Variants in FBXW11 observed in about 807,000 individuals in gnomAD.
FBXW11 encodes F-box/WD repeat-containing protein 11.
FBXW11 carries 19 observed loss-of-function variants against 77.6 expected under a neutral mutation model. The observed-to-expected ratio is 0.24, with a 90% CI of 0.17 to 0.36. The LOEUF (loss-of-function observed/expected upper bound fraction) is 0.36. Among genes scored for constraint, FBXW11 ranks in the 10% least tolerant of loss-of-function variants. The pLI, the probability that FBXW11 is intolerant of heterozygous loss-of-function variation, is 1.00. For missense variants in FBXW11, 334 were observed against 704.2 expected (o/e 0.47, Z 5.95); for synonymous variants, 235 against 249.4 (o/e 0.94, Z 0.54).
intron 1 of FBXW11, among the ~76,000 whole-genome samples, chr5:171,958,753 A>T (rs1447122627): frequency 6.6e-6 from 1 of 152,200 alleles, no homozygotes; most frequent in Non-Finnish European, 1.5e-5. Flanking sequence ...ATATAAAGTC[A>T]ATTAATTTAC....
intron 1 of FBXW11, among the ~76,000 whole-genome samples, chr5:171,990,093 CAG>C (rs1486818347): frequency 2.0e-5 from 3 of 146,612 alleles, no homozygotes; most frequent in Non-Finnish European, 4.5e-5. Context: ...AAGGAAAAGA[CAG>C]AGTAAGAGAG....
chr5:171,938,284 G>A (rs1045474069), intron 2 of FBXW11, among the ~76,000 whole-genome samples: 2 of 152,162 alleles, frequency 1.3e-5, no homozygotes, highest in African/African-American at 4.8e-5. Flanking sequence ...GGCTGGTCTT[G>A]AATTCCTGGG....
intron 1 of FBXW11, among the ~76,000 whole-genome samples, chr5:171,962,289 G>A (rs745630796): frequency 2.0e-5 from 3 of 151,700 alleles, no homozygotes; most frequent in African/African-American, 7.2e-5. Flanking sequence ...AAACAACCCA[G>A]GAGGATCATA....
At position 171,863,871 on chromosome 5, in the gene FBXW11, C is replaced by T. The variant is rs755071124; in HGVS notation, c.*256G>A. 1 of 152,382 alleles carries T rather than the reference C, an allele frequency of 6.6e-6. No individual in the cohort carries two copies. The highest frequency in any genetic ancestry group is 1.5e-5 in the Non-Finnish European group (1 of 68,018). 9.4% of individuals were successfully genotyped at this position (152,382 alleles called of 1,614,324 possible). A position where few individuals can be genotyped will look rare whatever the true frequency, so the allele number is the denominator to read the frequency against. On this transcript the variant is annotated 3_prime_UTR_variant, in exon 14 of 14. Transcript: ENST00000517395. ...TTACATTTGAAACATTAGATTTTTT[C>T]ACTGATGAGGGAAGGAAACGGGCTT...
intron 2 of FBXW11, among the ~76,000 whole-genome samples, chr5:171,936,319 C>T (rs772593016): frequency 1.7e-4 from 25 of 151,486 alleles, no homozygotes; most frequent in Non-Finnish European, 3.4e-4. Flanking sequence ...CAGCAAGACC[C>T]ATCTCTTAAA....
At chr5:171,880,451 T>C (rs1393343708) in intron 7 of FBXW11, among the ~76,000 whole-genome samples, 1 of 152,188 alleles carries the variant, frequency 6.6e-6, no homozygotes, top group African/African-American at 2.4e-5. Context: ...AGTCAGCTGG[T>C]AGATATCCAC....
At chr5:171,974,121 T>C (rs1385047743) in intron 1 of FBXW11, among the ~76,000 whole-genome samples, 3 of 152,292 alleles carry the variant, frequency 2.0e-5, no homozygotes, top group South Asian at 2.1e-4. Flanking sequence ...CATAGCTACA[T>C]GTTTAATTTA....
rs536709175 is a variant in FBXW11, at chr5:171,903,399, C to T, written c.437-3299G>A. On this transcript the variant is annotated intron_variant, in intron 4 of 13. Coordinates refer to ENST00000517395, the MANE Select transcript of FBXW11 (RefSeq NM_001378974.1). ...AGGCGTGAGCCACTGCGCCTGGCTGCCTTTCTTCCATCTTCTATGTTTACT... is the reference window on the plus strand; with the variant it reads ...AGGCGTGAGCCACTGCGCCTGGCTGTCTTTCTTCCATCTTCTATGTTTACT... Among the ~76,000 whole-genome samples the T allele has an allele frequency of 5.9e-5, 9 of 152,178 alleles. No homozygotes were observed. The South Asian group carries it at 1.0e-3, about 18-fold the overall frequency.
chr5:171,974,120 A>G (rs1192812143), intron 1 of FBXW11, among the ~76,000 whole-genome samples: 1 of 152,176 alleles, frequency 6.6e-6, no homozygotes, highest in East Asian at 1.9e-4. Context: ...TCATAGCTAC[A>G]TGTTTAATTT....
At chr5:171,996,075 T>C (rs1191335573) in intron 1 of FBXW11, among the ~76,000 whole-genome samples, 5 of 152,198 alleles carry the variant, frequency 3.3e-5, no homozygotes, top group East Asian at 3.8e-4. Context: ...TTAAGTAATA[T>C]ATGTAAAGTG....
intron 2 of FBXW11, among the ~76,000 whole-genome samples, chr5:171,957,361 G>A (rs914946226): frequency 1.3e-5 from 2 of 152,156 alleles, no homozygotes; most frequent in Non-Finnish European, 2.9e-5. Flanking sequence ...GAGGGGAAAA[G>A]AGTAAAAAGC....
intron 1 of FBXW11, among the ~76,000 whole-genome samples, chr5:172,006,106 G>C (rs545969089): frequency 7.3e-5 from 11 of 151,550 alleles, no homozygotes; most frequent in Non-Finnish European, 1.3e-4. Flanking sequence ...CGAAACAGAG[G>C]AAAGAAAAAA....
intron 1 of FBXW11, among the ~76,000 whole-genome samples, chr5:171,963,249 C>A (rs1764004022): frequency 6.6e-6 from 1 of 151,802 alleles, no homozygotes; most frequent in Non-Finnish European, 1.5e-5. Flanking sequence ...TTAACCCACC[C>A]AAAGGAAGAG....
intron 1 of FBXW11, among the ~76,000 whole-genome samples, chr5:171,986,787 C>T (rs890058287): frequency 1.1e-4 from 17 of 152,138 alleles, no homozygotes; most frequent in Non-Finnish European, 2.9e-5. Flanking sequence ...GAAGCTCTAC[C>T]TATCCACAGG....
At chr5:171,898,622 C>T (rs553525888) in intron 6 of FBXW11, among the ~76,000 whole-genome samples, 1 of 152,112 alleles carries the variant, frequency 6.6e-6, no homozygotes, top group South Asian at 2.1e-4. Context: ...ACAGAGAAAA[C>T]TTGAAATGTG....
intron 2 of FBXW11, among the ~76,000 whole-genome samples, chr5:171,942,341 T>C (rs995595675): frequency 1.3e-5 from 2 of 151,896 alleles, no homozygotes; most frequent in Admixed American, 1.3e-4. Context: ...GTCACACTTC[T>C]TTAGTTTTTT....
intron 2 of FBXW11, among the ~76,000 whole-genome samples, chr5:171,920,220 A>C (rs1011560736): frequency 6.6e-6 from 1 of 152,070 alleles, no homozygotes; most frequent in Non-Finnish European, 1.5e-5. Flanking sequence ...CTGTCTTCAT[A>C]AACTGAATTC....
intron 3 of FBXW11, among the ~76,000 whole-genome samples, chr5:171,914,008 G>T (rs1413485264): frequency 6.6e-6 from 1 of 152,174 alleles, no homozygotes; most frequent in African/African-American, 2.4e-5. Context: ...AGGAGAAAAG[G>T]TCATCCATGT....
At chr5:171,918,929 G>A (rs1761418213) in intron 2 of FBXW11, among the ~76,000 whole-genome samples, 1 of 152,098 alleles carries the variant, frequency 6.6e-6, no homozygotes, top group Non-Finnish European at 1.5e-5. Flanking sequence ...CTAGGGATGT[G>A]GGCTCCTAAA....
Sources: gnomAD v4.1 joint callset for allele counts (sites outside exome capture counted in the v4.1 genomes callset) on GRCh38, gnomAD v4.1.1 for gene constraint, MANE v1.5 for transcripts, NCBI Gene and HGNC (gene_info 2026-07-23, HGNC 2026-07-21) for gene names.